Variants in RBFOX2 observed in about 807,000 individuals in gnomAD.
RBFOX2 encodes the protein RNA binding protein fox-1 homolog 2.
A neutral mutation model predicts 49.1 loss-of-function variants in RBFOX2; 10 were observed. The observed-to-expected ratio is 0.20, with a 90% confidence interval of 0.13 to 0.35. The LOEUF (loss-of-function observed/expected upper bound fraction) is 0.35. RBFOX2 is among the 10% of genes least tolerant of loss of function. RBFOX2 has a pLI of 1.00. For synonymous variants in RBFOX2, 183 were observed against 187.4 expected, an observed-to-expected ratio of 0.98 and a Z score of 0.19; for missense variants, 323 against 486.9, an observed-to-expected ratio of 0.66 and a Z score of 3.17.
chr22:35,819,492 CTAAAA>C (rs1309662098), intron 1 of RBFOX2, among the ~76,000 whole-genome samples: 1 of 152,148 alleles, frequency 6.6e-6, no homozygotes, highest in Non-Finnish European at 1.5e-5. Flanking sequence ...AATGATCTTT[CTAAAA>C]TAAAACCTAA....
intron 9 of RBFOX2, among the ~76,000 whole-genome samples, chr22:35,753,596 T>TTTA (rs371920171): frequency 2.6e-4 from 39 of 152,036 alleles, no homozygotes; most frequent in Non-Finnish European, 4.7e-4. Flanking sequence ...ATTACTTGTG[T>TTTA]TTAGCTCAGC....
At chr22:35,959,310 T>G (rs2899258) in intron 1 of RBFOX2, among the ~76,000 whole-genome samples, 12,143 of 152,270 alleles carry the variant, frequency 0.08, 505 homozygotes, top group African/African-American at 0.092. Flanking sequence ...AGAGCCATAA[T>G]TATAACTGTT....
At chr22:35,873,956 T>A (rs2044688275) in intron 1 of RBFOX2, among the ~76,000 whole-genome samples, 2 of 152,172 alleles carry the variant, frequency 1.3e-5, no homozygotes, top group South Asian at 2.1e-4. Context: ...ATTACAAGAG[T>A]GAGCCATGGC....
chr22:35,855,349 A>C lies in RBFOX2; in HGVS notation c.-33-45345T>G, dbSNP rs185789880. Among the ~76,000 whole-genome samples, 464 of 152,328 alleles carry C rather than the reference A, an allele frequency of 3.0e-3. 2 individuals carry two copies. Among genetic ancestry groups the C allele is most frequent in the Non-Finnish European group, 5.3e-3 (362 of 68,024 alleles). On this transcript the variant is annotated intron_variant, in intron 1 of 13. Coordinates refer to the RBFOX2 transcript ENST00000359369. The stretch of plus-strand genomic sequence containing the variant: ...CCTGATCAATAAAAAACATGAATTC[A>C]GAAAATAGTCCTTCATGTATATTTC...
At chr22:35,992,053 CT>C (rs1399250624) in intron 1 of RBFOX2, among the ~76,000 whole-genome samples, 2 of 152,046 alleles carry the variant, frequency 1.3e-5, no homozygotes, top group African/African-American at 4.8e-5. Flanking sequence ...AGAAACTTGC[CT>C]AAGGTAATAA....
At chr22:35,797,575 G>C (rs1949009463) in intron 2 of RBFOX2, among the ~76,000 whole-genome samples, 1 of 152,192 alleles carries the variant, frequency 6.6e-6, no homozygotes, top group African/African-American at 2.4e-5. Flanking sequence ...GTCTGTGACA[G>C]TGAAGAATAT....
chr22:35,757,131 G>C (rs532463772), intron 9 of RBFOX2, among the ~76,000 whole-genome samples: 1 of 150,614 alleles, frequency 6.6e-6, no homozygotes, highest in East Asian at 2.0e-4. Context: ...TTATTTAAAA[G>C]AATACATCTG....
intron 11 of RBFOX2, among the ~76,000 whole-genome samples, chr22:35,745,362 G>A (rs925473459): frequency 6.6e-6 from 1 of 152,034 alleles, no homozygotes; most frequent in Admixed American, 6.5e-5. Context: ...TAGTTCTATG[G>A]ACTTCTTCGA....
chr22:36,028,153 G>A (rs1006636936), intron 1 of RBFOX2, 87 bp downstream of exon 1: 1 of 1,333,568 alleles, frequency 7.5e-7, no homozygotes, highest in Non-Finnish European at 9.6e-7. Flanking sequence ...ACTCCCGGAG[G>A]CCCTCCCTCT....
rs1033830154 is a variant in RBFOX2, at chr22:35,805,182, C to G, written c.252+4598G>C. On this transcript the variant is annotated intron_variant, in intron 2 of 11. Coordinates refer to ENST00000405409, the Ensembl canonical transcript of RBFOX2. The stretch of plus-strand genomic sequence containing the variant: ...GCGGGCACCTGTAGTCCCAGCTATG[C>G]GGGAGGCTGAGGCAGGAGAATGGCG... 2.0e-5 allele frequency among the ~76,000 whole-genome samples: 3 copies of G among 146,940 alleles called. 1 individual carries two copies. The highest frequency in any genetic ancestry group is 4.4e-4 in the South Asian group (2 of 4,532).
At chr22:36,007,208 T>A (rs1253994933) in intron 1 of RBFOX2, among the ~76,000 whole-genome samples, 1 of 152,012 alleles carries the variant, frequency 6.6e-6, no homozygotes, top group Non-Finnish European at 1.5e-5. Flanking sequence ...CCCCTCCATA[T>A]CAGCACTTTC....
At chr22:35,810,118 G>C in intron 1 of RBFOX2, 114 bp from the exon 3 acceptor site, 1 of 1,018,210 alleles carries the variant, frequency 9.8e-7, no homozygotes, top group East Asian at 2.5e-5. Context: ...AGGTAAAATG[G>C]AATGCTTATT....
intron 2 of RBFOX2, among the ~76,000 whole-genome samples, chr22:35,790,219 G>A (rs953227553): frequency 6.6e-6 from 1 of 152,196 alleles, no homozygotes; most frequent in African/African-American, 2.4e-5. Flanking sequence ...GTTTTGAGCT[G>A]ACATGTATAT....
At chr22:35,851,872 GTC>G (rs1470388951) in intron 1 of RBFOX2, among the ~76,000 whole-genome samples, 1 of 150,726 alleles carries the variant, frequency 6.6e-6, no homozygotes, top group Non-Finnish European at 1.5e-5. Flanking sequence ...CAGTTTTATA[GTC>G]TCTCTCACCA....
At chr22:35,927,007 A>G (rs2051726106) in intron 1 of RBFOX2, among the ~76,000 whole-genome samples, 2 of 152,238 alleles carry the variant, frequency 1.3e-5, no homozygotes, top group African/African-American at 2.4e-5. Context: ...ATCCTATGGT[A>G]TCCTCACATT....
At chr22:35,764,207 T>C (rs1191184884) in intron 6 of RBFOX2, among the ~76,000 whole-genome samples, 7 of 152,200 alleles carry the variant, frequency 4.6e-5, no homozygotes, top group Non-Finnish European at 8.8e-5. Context: ...TTATGGGATA[T>C]AGTCAATACG....
chr22:35,927,847 T>C (rs1209284975), intron 1 of RBFOX2, among the ~76,000 whole-genome samples: 1 of 152,182 alleles, frequency 6.6e-6, no homozygotes, highest in African/African-American at 2.4e-5. Context: ...CCTCTTTTTC[T>C]TGGAGATGTC....
intron 1 of RBFOX2, among the ~76,000 whole-genome samples, chr22:35,974,963 T>A (rs1342081913): frequency 6.6e-6 from 1 of 152,188 alleles, no homozygotes; most frequent in Admixed American, 6.5e-5. Flanking sequence ...GATCAGTCTC[T>A]CGAAAGCACA....
At chr22:35,806,408 G>A (rs768198893) in intron 2 of RBFOX2, among the ~76,000 whole-genome samples, 20 of 151,950 alleles carry the variant, frequency 1.3e-4, no homozygotes, top group East Asian at 5.8e-4. Context: ...GCACAAAGGC[G>A]CGTGGGGAAT....
Sources: allele counts gnomAD v4.1 joint callset (sites outside exome capture counted in the v4.1 genomes callset), GRCh38; gene constraint gnomAD v4.1.1; transcripts MANE v1.5; gene names NCBI Gene and HGNC (gene_info 2026-07-23, HGNC 2026-07-21).